The following ADRA2C variants were observed in gnomAD, a reference collection of about 807,000 sequenced individuals.
The protein encoded by ADRA2C is alpha-2C adrenergic receptor.
A neutral mutation model predicts 7.9 loss-of-function variants in ADRA2C; 4 were observed. That is an observed-to-expected ratio of 0.51 (90% CI 0.25 to 1.16). The LOEUF (loss-of-function observed/expected upper bound fraction) is 1.16, where lower values mean the gene tolerates loss of function less well. Ranked by LOEUF, ADRA2C falls within the 50% of genes most tolerant of loss-of-function variation. The probability of loss-of-function intolerance (pLI) is 0.15; values close to 1 mark genes in which losing one functional copy is unlikely to be tolerated. For missense variants in ADRA2C, 589 were observed against 677.7 expected, an observed-to-expected ratio of 0.87 and a Z score of 1.45; for synonymous variants, 368 against 328.9, an observed-to-expected ratio of 1.12 and a Z score of -1.29.
Position 3,766,622 on chromosome 4 carries a change from C to T in ADRA2C, c.16C>T (p.Leu6=), listed in dbSNP as rs1246266543. 5.0e-6 allele frequency: 6 copies of T among 1,198,344 alleles called. No homozygotes were observed. Among genetic ancestry groups the T allele is most frequent in the East Asian group, 3.6e-5 (1 of 27,722 alleles). The allele number at this position is 1,198,344 out of a possible 1,614,324, so 74.2% of individuals were successfully genotyped here. Residue 6 remains leucine, a synonymous_variant, in exon 1 of 1, where the codon CTG becomes TTG. Coordinates refer to ENST00000330055, the MANE Select transcript of ADRA2C (RefSeq NM_000683.4). This position sits in a 1 kb window ranked among gnomAD's most constrained non-coding sequence, Gnocchi z 4.5. ...CGGGAGGACCATGGCGTCCCCGGCG[C>T]TGGCGGCGGCGCTGGCGGTGGCGGC... MASPA[L]AAALAVAAAA... is the part of the protein sequence containing the mutation.
chr4:3,767,610 C>T lies in ADRA2C; in HGVS notation c.1004C>T (p.Ala335Val), dbSNP rs1478473914. ...GCGGCTGAGTCGGGGGCGCTGACCG[C>T]CTCCAGGTCCCCGGGGCCCGGTGGC... Reference protein sequence around the residue: ...PGAAESGALTASRSPGPGGRL... With the variant: ...PGAAESGALTVSRSPGPGGRL... Residue 335 changes from alanine to valine, a missense_variant, in exon 1 of 1, where the codon GCC becomes GTC. Ala to Val is a moderately conservative substitution (Grantham distance 64). Transcript: ENST00000330055. 6 of 1,334,006 alleles carry T rather than the reference C, an allele frequency of 4.5e-6. No homozygotes were observed. Among genetic ancestry groups the T allele is most frequent in the Non-Finnish European group, 5.7e-6 (6 of 1,050,892 alleles). The allele number at this position is 1,334,006 out of a possible 1,614,324, so 82.6% of individuals were successfully genotyped here.
At position 3,768,381 on chromosome 4, in the gene ADRA2C, C is replaced by G; in HGVS notation, c.*386C>G. 2 of 687,580 alleles carry G rather than the reference C, an allele frequency of 2.9e-6. No individual in the cohort carries two copies. Among genetic ancestry groups the G allele is most frequent in the Non-Finnish European group, 5.4e-6 (2 of 369,028 alleles). The allele number at this position is 687,580 out of a possible 1,614,324, so 42.6% of individuals were successfully genotyped here. A position where few individuals can be genotyped will look rare whatever the true frequency, so the allele number is the denominator to read the frequency against. On this transcript the variant is annotated 3_prime_UTR_variant, in exon 1 of 1. Coordinates refer to ENST00000330055, the MANE Select transcript of ADRA2C (RefSeq NM_000683.4). ...CCATCCCCGTCTGACCAAGGGCTGA[C>G]TTCTCCAGGACCTAGTCGGGGGGTG...
chr4:3,767,377 C>T lies in ADRA2C; in HGVS notation c.771C>T (p.Ser257=), dbSNP rs1735472160. ...KRAPVGPDGA[S]PTTENGLGAA... ...CCCCCGTGGGCCCCGACGGTGCGTC[C>T]CCGACTACCGAAAACGGGCTGGGCG... is the stretch of plus-strand genomic sequence containing the variant. The change falls in exon 1 of 1, where the codon TCC becomes TCT. Residue 257 remains serine (S), a synonymous_variant. Coordinates refer to ENST00000330055, the MANE Select transcript of ADRA2C (RefSeq NM_000683.4). 7 of 1,539,188 alleles carry T rather than the reference C, an allele frequency of 4.5e-6. No homozygotes were observed. Among genetic ancestry groups the T allele is most frequent in the Non-Finnish European group, 5.2e-6 (6 of 1,146,480 alleles).
Position 3,768,062 on chromosome 4 carries a change from G to GGGGGAACTTTCCCAGAGACCC in ADRA2C, c.*72_*73insACTTTCCCAGAGACCCGGGGA. On this transcript the variant is annotated 3_prime_UTR_variant, in exon 1 of 1. Transcript: ENST00000330055. Reference sequence around the variant, plus strand: ...GCTGGGCAGAAGGGGCGGCCCGGACGGGGGAGCTTTCCCAGAGACCCGGGG... The same window carrying GGGGGAACTTTCCCAGAGACCC: ...GCTGGGCAGAAGGGGCGGCCCGGACGGGGGAACTTTCCCAGAGACCCGGGGAGCTTTCCCAGAGACCCGGGG... 2 of 1,157,758 alleles carry GGGGGAACTTTCCCAGAGACCC rather than the reference G, an allele frequency of 1.7e-6. No homozygotes were observed. The highest frequency in any genetic ancestry group is 1.9e-5 in the South Asian group (1 of 52,200). 71.7% of individuals were successfully genotyped at this position (1,157,758 alleles called of 1,614,324 possible).
At position 3,767,028 on chromosome 4, in the gene ADRA2C, A is replaced by G; in HGVS notation, c.422A>G (p.His141Arg). ...CTGTTTTGCACCTCGTCGATCGTGC[A>G]TCTGTGTGCCATCAGCCTGGACCGC... is the stretch of plus-strand genomic sequence containing the variant. Reference protein sequence around the residue: ...DVLFCTSSIVHLCAISLDRYW... With the variant: ...DVLFCTSSIVRLCAISLDRYW... The change falls in exon 1 of 1, where the codon CAT (histidine) becomes CGT (arginine). Residue 141 changes from histidine (H) to arginine (R), a missense_variant. Coordinates refer to ENST00000330055, the MANE Select transcript of ADRA2C (RefSeq NM_000683.4). 1.9e-6 allele frequency: 3 copies of G among 1,611,494 alleles called. No individual in the cohort carries two copies. The highest frequency in any genetic ancestry group is 2.5e-6 in the Non-Finnish European group (3 of 1,179,874).
Position 3,767,643 on chromosome 4 carries a change from C to T in ADRA2C, c.1037C>T (p.Ser346Leu), listed in dbSNP as rs1395702332. 4.3e-6 allele frequency: 6 copies of T among 1,400,324 alleles called. No homozygotes were observed. Among genetic ancestry groups the T allele is most frequent in the Non-Finnish European group, 5.5e-6 (6 of 1,085,590 alleles). 86.7% of individuals were successfully genotyped at this position (1,400,324 alleles called of 1,614,324 possible). ...TCCCCGGGGCCCGGTGGCCGCCTGTCGCGCGCCAGCTCGCGCTCCGTCGAG... is the reference window on the plus strand; with the variant it reads ...TCCCCGGGGCCCGGTGGCCGCCTGTTGCGCGCCAGCTCGCGCTCCGTCGAG... ...SRSPGPGGRL[S>L]RASSRSVEFF... is the part of the protein sequence containing the mutation. The change falls in exon 1 of 1, where the codon TCG (serine) becomes TTG (leucine). Residue 346 changes from serine to leucine, a missense_variant. By Grantham distance (145) the Ser-to-Leu change is moderately radical (BLOSUM62 -2). Coordinates refer to ENST00000330055, the MANE Select transcript of ADRA2C (RefSeq NM_000683.4).
chr4:3,767,969 CGGA>C lies in ADRA2C; in HGVS notation c.1368_1370del (p.Arg458del), dbSNP rs775007670. On this transcript the variant is annotated inframe_deletion, in exon 1 of 1. Transcript: ENST00000330055. ...ATCCTTTAAGCACATCCTCTTCCGA[CGGA>C]GGAGAAGGGGCTTCAGGCAGTGACT... 64 of 1,609,226 alleles carry C rather than the reference CGGA, an allele frequency of 4.0e-5. 1 individual carries two copies. In the South Asian group the frequency reaches 5.7e-4, roughly 14 times the overall value.
At position 3,768,124 on chromosome 4, in the gene ADRA2C, A is replaced by C. The variant is rs1735501946; in HGVS notation, c.*129A>C. 1 of 576,288 alleles carries C rather than the reference A, an allele frequency of 1.7e-6. No homozygotes were observed. The highest frequency in any genetic ancestry group is 2.9e-5 in the Admixed American group (1 of 34,056). 35.7% of individuals were successfully genotyped at this position (576,288 alleles called of 1,614,324 possible). A position where few individuals can be genotyped will look rare whatever the true frequency, so the allele number is the denominator to read the frequency against. On this transcript the variant is annotated 3_prime_UTR_variant, in exon 1 of 1. Transcript: ENST00000330055. ...TCCAGGGCGCAGGGGAGGGTGCGGC[A>C]GGGCAGGAGCTTGGCAGAGAGATAG...
Position 3,768,348 on chromosome 4 carries a change from A to T in ADRA2C, c.*353A>T. ...AAGCAAGGAGCCCCCCAAAGACACT[A>T]CCACTCCCCATCCCCGTCTGACCAA... On this transcript the variant is annotated 3_prime_UTR_variant, in exon 1 of 1. Coordinates refer to ENST00000330055, the MANE Select transcript of ADRA2C (RefSeq NM_000683.4). The T allele has an allele frequency of 1.4e-6, 1 of 712,018 alleles. No homozygotes were observed. The highest frequency in any genetic ancestry group is 1.5e-5 in the South Asian group (1 of 66,740). 44.1% of individuals were successfully genotyped at this position (712,018 alleles called of 1,614,324 possible).
rs766391887 is a variant in ADRA2C at position 3,767,596 on chromosome 4, G to T, written c.990G>T (p.Ser330=). 2.3e-6 allele frequency: 3 copies of T among 1,284,560 alleles called. No individual in the cohort carries two copies. The highest frequency in any genetic ancestry group is 3.2e-5 in the African/African-American group (2 of 63,484). The allele number at this position is 1,284,560 out of a possible 1,614,324, so 79.6% of individuals were successfully genotyped here. A position where few individuals can be genotyped will look rare whatever the true frequency, so the allele number is the denominator to read the frequency against. The part of the protein sequence containing the change: ...GQGAGPGAAE[S]GALTASRSPG... ...GGGCGGGGCCGGGGGCGGCTGAGTC[G>T]GGGGCGCTGACCGCCTCCAGGTCCC... is the stretch of plus-strand genomic sequence containing the variant. The change falls in exon 1 of 1, where the codon TCG becomes TCT. Residue 330 remains serine (S), a synonymous_variant. Transcript: ENST00000330055.
rs756669531 is a variant in ADRA2C at position 3,767,832 on chromosome 4, G to A, written c.1226G>A (p.Arg409His). The A allele has an allele frequency of 1.9e-6, 3 of 1,613,050 alleles. No individual in the cohort carries two copies. The highest frequency in any genetic ancestry group is 2.5e-6 in the Non-Finnish European group (3 of 1,179,880). ...AGCTACAGCCTGTACGGCATCTGCC[G>A]CGAGGCCTGCCAGGTGCCCGGCCCG... ...FFSYSLYGIC[R>H]EACQVPGPLF... The change falls in exon 1 of 1, where the codon CGC (arginine) becomes CAC (histidine). Residue 409 changes from arginine (R) to histidine (H), a missense_variant. Coordinates refer to ENST00000330055, the MANE Select transcript of ADRA2C (RefSeq NM_000683.4).
Position 3,766,888 on chromosome 4 carries a change from C to G in ADRA2C, c.282C>G (p.Ala94=). 25 of 1,609,636 alleles carry G rather than the reference C, an allele frequency of 1.6e-5. No homozygotes were observed. Among genetic ancestry groups the G allele is most frequent in the Non-Finnish European group, 2.1e-5 (25 of 1,178,980 alleles). The change falls in exon 1 of 1, where the codon GCC becomes GCG. Residue 94 remains alanine, a synonymous_variant. Transcript: ENST00000330055. This position sits in a 1 kb window ranked among gnomAD's most constrained non-coding sequence, Gnocchi z 4.5. ...AGAACCTCTTCCTGGTGTCGCTGGC[C>G]TCGGCCGACATCCTGGTGGCCACGC... The part of the protein sequence containing the change: ...APQNLFLVSL[A]SADILVATLV...
At position 3,767,983 on chromosome 4, in the gene ADRA2C, C is replaced by T. The variant is rs1412471534; in HGVS notation, c.1377C>T (p.Gly459=). The change falls in exon 1 of 1, where the codon GGC becomes GGT. Residue 459 remains glycine, a synonymous_variant. Transcript: ENST00000330055. ...TCCTCTTCCGACGGAGGAGAAGGGG[C>T]TTCAGGCAGTGACTCGCACCCGTCT... ...KHILFRRRRR[G]FRQ 2 of 1,606,976 alleles carry T rather than the reference C, an allele frequency of 1.2e-6. No homozygotes were observed. Among genetic ancestry groups the T allele is most frequent in the Non-Finnish European group, 1.7e-6 (2 of 1,178,202 alleles).
chr4:3,768,026 C>T lies in ADRA2C; in HGVS notation c.*31C>T. The T allele has an allele frequency of 7.0e-7, 1 of 1,434,322 alleles. No homozygotes were observed. Among genetic ancestry groups the T allele is most frequent in the Non-Finnish European group, 9.6e-7 (1 of 1,042,690 alleles). The allele number at this position is 1,434,322 out of a possible 1,614,324, so 88.8% of individuals were successfully genotyped here. ...ACCCGTCTGGGAATCCTGGACAGCT[C>T]CGCGCTCGGGGCTGGGCAGAAGGGG... On this transcript the variant is annotated 3_prime_UTR_variant, in exon 1 of 1. Coordinates refer to ENST00000330055, the MANE Select transcript of ADRA2C (RefSeq NM_000683.4).
chr4:3,768,296 G>A lies in ADRA2C; in HGVS notation c.*301G>A, dbSNP rs970270835. On this transcript the variant is annotated 3_prime_UTR_variant, in exon 1 of 1. Coordinates refer to ENST00000330055, the MANE Select transcript of ADRA2C (RefSeq NM_000683.4). ...TGTGAGGTCAGGGTTTTAGAGAGCAGTGGCAGAGGTAGCCCCCTAAATGGG... is the reference window on the plus strand; with the variant it reads ...TGTGAGGTCAGGGTTTTAGAGAGCAATGGCAGAGGTAGCCCCCTAAATGGG... The A allele has an allele frequency of 8.4e-6, 6 of 717,188 alleles. No homozygotes were observed. The highest frequency in any genetic ancestry group is 2.3e-4 in the Middle Eastern group (1 of 4,372). The allele number at this position is 717,188 out of a possible 1,614,324, so 44.4% of individuals were successfully genotyped here.
rs943967585 is a variant in ADRA2C, at chr4:3,768,178, G to A, written c.*183G>A. 4.5e-5 allele frequency: 33 copies of A among 737,506 alleles called. No homozygotes were observed. Among genetic ancestry groups the A allele is most frequent in the Admixed American group, 3.7e-4 (18 of 48,986 alleles). The allele number at this position is 737,506 out of a possible 1,614,324, so 45.7% of individuals were successfully genotyped here. ...GGCTCCAGGGAGTGGGGAGGAGAGA[G>A]GGGGAGACCCCTTTGCCTTCCCCCC... On this transcript the variant is annotated 3_prime_UTR_variant, in exon 1 of 1. Coordinates refer to ENST00000330055, the MANE Select transcript of ADRA2C (RefSeq NM_000683.4).
rs1165857171 is a variant in ADRA2C at position 3,767,130 on chromosome 4, T to C, written c.524T>C (p.Val175Ala). 1 of 1,608,984 alleles carries C rather than the reference T, an allele frequency of 6.2e-7. No homozygotes were observed. The highest frequency in any genetic ancestry group is 8.5e-7 in the Non-Finnish European group (1 of 1,179,832). ...CGCGTCAAGGCCACCATCGTGGCCG[T>C]GTGGCTCATCTCGGCCGTCATCTCC... ...PRRVKATIVA[V>A]WLISAVISFP... Residue 175 changes from valine (V) to alanine (A), a missense_variant, in exon 1 of 1, where the codon GTG becomes GCG. Coordinates refer to ENST00000330055, the MANE Select transcript of ADRA2C (RefSeq NM_000683.4).
In ADRA2C at chr4:3,768,018, G is replaced by A. The variant is rs1735496636; in HGVS notation, c.*23G>A. On this transcript the variant is annotated 3_prime_UTR_variant, in exon 1 of 1. Coordinates refer to ENST00000330055, the MANE Select transcript of ADRA2C (RefSeq NM_000683.4). Reference sequence around the variant, plus strand: ...TGACTCGCACCCGTCTGGGAATCCTGGACAGCTCCGCGCTCGGGGCTGGGC... The same window carrying A: ...TGACTCGCACCCGTCTGGGAATCCTAGACAGCTCCGCGCTCGGGGCTGGGC... 1 of 1,592,630 alleles carries A rather than the reference G, an allele frequency of 6.3e-7. No homozygotes were observed. The highest frequency in any genetic ancestry group is 1.3e-5 in the African/African-American group (1 of 74,420).
At position 3,768,253 on chromosome 4, in the gene ADRA2C, G is replaced by A. The variant is rs1296608955; in HGVS notation, c.*258G>A. 2.8e-6 allele frequency: 2 copies of A among 717,630 alleles called. No individual in the cohort carries two copies. The highest frequency in any genetic ancestry group is 1.7e-5 in the African/African-American group (1 of 57,286). The allele number at this position is 717,630 out of a possible 1,614,324, so 44.5% of individuals were successfully genotyped here. A position where few individuals can be genotyped will look rare whatever the true frequency, so the allele number is the denominator to read the frequency against. ...TCCCTGCCTGGATCCAGCTCTGGGAGCCCTGCCGAGGTGTGGCTGTGAGGT... is the reference window on the plus strand; with the variant it reads ...TCCCTGCCTGGATCCAGCTCTGGGAACCCTGCCGAGGTGTGGCTGTGAGGT... On this transcript the variant is annotated 3_prime_UTR_variant, in exon 1 of 1. Coordinates refer to ENST00000330055, the MANE Select transcript of ADRA2C (RefSeq NM_000683.4).
Sources: gnomAD v4.1 joint callset for allele counts on GRCh38, gnomAD v4.1.1 for gene constraint, Gnocchi (gnomAD v3.1) non-coding constraint, MANE v1.5 for transcripts, NCBI Gene and HGNC (gene_info 2026-07-23, HGNC 2026-07-21) for gene names.